The following LIN52 variants were observed in gnomAD, a reference collection of about 807,000 sequenced individuals.
LIN52 encodes protein lin-52 homolog.
A neutral mutation model predicts 18.5 loss-of-function variants in LIN52; 4 were observed. The ratio of observed to expected loss-of-function variants is 0.22; its 90% CI spans 0.11 to 0.49. The LOEUF is 0.49. Among genes scored for constraint, LIN52 ranks in the 20% least tolerant of loss-of-function variants. The pLI is 0.97. For synonymous variants in LIN52, 34 were observed against 45.5 expected (o/e 0.75, Z 1.02); for missense variants, 102 against 139.5 (o/e 0.73, Z 1.35).
intron 1 of LIN52, among the ~76,000 whole-genome samples, chr14:74,086,277 A>C (rs1274249115): frequency 6.6e-6 from 1 of 152,220 alleles, no homozygotes; most frequent in Non-Finnish European, 1.5e-5. Flanking sequence ...TTGATTAGAT[A>C]TATGCAGAAA....
chr14:74,168,394 C>T (rs753506886), intron 5 of LIN52, among the ~76,000 whole-genome samples: 4 of 152,142 alleles, frequency 2.6e-5, no homozygotes, highest in African/African-American at 4.8e-5. Flanking sequence ...CTTTGCCGGG[C>T]GCGGTGGCTC....
chr14:74,189,462 G>T (rs915151239), intron 5 of LIN52, among the ~76,000 whole-genome samples: 1 of 152,156 alleles, frequency 6.6e-6, no homozygotes, highest in Admixed American at 6.5e-5. Flanking sequence ...CCTCAGAAAA[G>T]GAAACAAAGT....
intron 2 of LIN52, among the ~76,000 whole-genome samples, chr14:74,094,626 A>G (rs867960833): frequency 1.3e-5 from 2 of 152,188 alleles, no homozygotes; most frequent in Non-Finnish European, 2.9e-5. Flanking sequence ...CTTCATATAC[A>G]TGGAAGAGGA....
At chr14:74,119,248 G>A (rs188994289) in intron 5 of LIN52, among the ~76,000 whole-genome samples, 30 of 143,946 alleles carry the variant, frequency 2.1e-4, no homozygotes, top group Non-Finnish European at 2.4e-4. Flanking sequence ...TGCAAGCTCC[G>A]CCTCCTGGGT....
At chr14:74,090,346 G>T (rs2060765358) in intron 1 of LIN52, among the ~76,000 whole-genome samples, 1 of 148,942 alleles carries the variant, frequency 6.7e-6, no homozygotes, top group Non-Finnish European at 1.5e-5. Context: ...TTGTTTGTTT[G>T]TTTTTTTGAG....
intron 5 of LIN52, among the ~76,000 whole-genome samples, chr14:74,142,434 C>A (rs2061135433): frequency 6.6e-6 from 1 of 152,080 alleles, no homozygotes; most frequent in African/African-American, 2.4e-5. Context: ...CTTGTCCAAG[C>A]CTTTATTAGA....
chr14:74,150,498 C>A (rs2061171870), intron 5 of LIN52, among the ~76,000 whole-genome samples: 1 of 152,102 alleles, frequency 6.6e-6, no homozygotes, highest in Non-Finnish European at 1.5e-5. Flanking sequence ...CATGGTGATA[C>A]AAATCCAAAT....
chr14:74,114,344 AG>A, intron 5 of LIN52: 1 of 985,478 alleles, frequency 1.0e-6, no homozygotes, highest in Non-Finnish European at 1.2e-6. Flanking sequence ...CACAGGATAG[AG>A]TAGGATGGTA....
intron 5 of LIN52, among the ~76,000 whole-genome samples, chr14:74,137,692 G>A (rs1383924717): frequency 6.6e-6 from 1 of 151,880 alleles, no homozygotes; most frequent in South Asian, 2.1e-4. Flanking sequence ...TAGAGACGGG[G>A]TTTCACTGTG....
chr14:74,151,321 A>G (rs2061176023), intron 5 of LIN52, among the ~76,000 whole-genome samples: 1 of 152,194 alleles, frequency 6.6e-6, no homozygotes, highest in South Asian at 2.1e-4. Context: ...GAGTAAGAGG[A>G]AGTTTGTTTA....
At chr14:74,129,281 A>G (rs13379093) in intron 5 of LIN52, among the ~76,000 whole-genome samples, 34,178 of 152,114 alleles carry the variant, frequency 0.22, 4,175 homozygotes, top group South Asian at 0.46. Flanking sequence ...ATATATATTT[A>G]AATCTCAATG....
chr14:74,085,132 C>A, intron 1 of LIN52, 139 bp downstream of exon 1: 1 of 790,554 alleles, frequency 1.3e-6, no homozygotes, highest in Non-Finnish European at 1.8e-6. Context: ...TCTTGAGATC[C>A]ATCGCCGTCT....
At chr14:74,104,758 G>A (rs2139889247) in intron 5 of LIN52, among the ~76,000 whole-genome samples, 1 of 150,502 alleles carries the variant, frequency 6.6e-6, no homozygotes. Context: ...CTCTACCACA[G>A]GAATGTAATC....
At chr14:74,164,537 C>T (rs1333069752) in intron 5 of LIN52, among the ~76,000 whole-genome samples, 2 of 152,118 alleles carry the variant, frequency 1.3e-5, no homozygotes, top group African/African-American at 2.4e-5. Flanking sequence ...CCGCCTGCTT[C>T]GGGCTCCCAA....
intron 5 of LIN52, among the ~76,000 whole-genome samples, chr14:74,114,861 T>C (rs953960593): frequency 6.6e-6 from 1 of 152,236 alleles, no homozygotes; most frequent in Admixed American, 6.5e-5. Context: ...CTATTTTCTT[T>C]GGCTGGTCAT....
chr14:74,117,020 C>T (rs1424806118), intron 5 of LIN52, among the ~76,000 whole-genome samples: 1 of 151,948 alleles, frequency 6.6e-6, no homozygotes, highest in Non-Finnish European at 1.5e-5. Flanking sequence ...AGTTGTATGC[C>T]ATTTTAGAAA....
chr14:74,181,941 A>G (rs1371232381), intron 5 of LIN52, among the ~76,000 whole-genome samples: 1 of 152,222 alleles, frequency 6.6e-6, no homozygotes, highest in Admixed American at 6.5e-5. Flanking sequence ...GTACTGCTAC[A>G]TGATTTTAGA....
chr14:74,172,639 A>G (rs1387580805), intron 5 of LIN52, among the ~76,000 whole-genome samples: 1 of 152,210 alleles, frequency 6.6e-6, no homozygotes, highest in African/African-American at 2.4e-5. Flanking sequence ...TGGAGCAGGT[A>G]CAACTTGTTT....
intron 5 of LIN52, among the ~76,000 whole-genome samples, chr14:74,123,789 G>T (rs115714060): frequency 0.013 from 2,030 of 152,222 alleles, 44 homozygotes; most frequent in African/African-American, 0.045. Context: ...CATGGCTTCT[G>T]TTCTCCCCTT....
Sources: allele counts gnomAD v4.1 joint callset (sites outside exome capture counted in the v4.1 genomes callset), GRCh38; gene constraint gnomAD v4.1.1; transcripts MANE v1.5; gene names NCBI Gene and HGNC (gene_info 2026-07-23, HGNC 2026-07-21).